RBFOX1: variants seen among roughly 807,000 people sequenced by gnomAD.
RBFOX1 encodes RNA binding fox-1 homolog 1.
In RBFOX1, 8 loss-of-function variants were observed where a neutral mutation model predicts 57.7. The observed-to-expected ratio is 0.14, with a 90% CI of 0.08 to 0.25. RBFOX1 has a LOEUF of 0.25. RBFOX1 is among the 10% of genes least tolerant of loss of function. The pLI is 1.00. For missense variants in RBFOX1, 611 were observed against 548.5 expected, an observed-to-expected ratio of 1.11 and a Z score of -1.14; for synonymous variants, 326 against 222.4, an observed-to-expected ratio of 1.47 and a Z score of -4.15.
chr16:7,139,737 C>A (rs563032324), intron 4 of RBFOX1, among the ~76,000 whole-genome samples: 1 of 152,140 alleles, frequency 6.6e-6, no homozygotes, highest in Admixed American at 6.5e-5. Flanking sequence ...AGGTTGAAGA[C>A]TGAGAAATAC....
rs578105478 is a variant in RBFOX1 at position 5,858,863 on chromosome 16, T to G, written c.319-8440T>G. On this transcript the variant is annotated intron_variant, in intron 3 of 19. Transcript: ENST00000641259. Reference sequence around the variant, plus strand: ...TGGCGGCTCAGTGGCTGGAACCAAGTCCCAGGCCAGAATAGAAGAGAAAGA... The same window carrying G: ...TGGCGGCTCAGTGGCTGGAACCAAGGCCCAGGCCAGAATAGAAGAGAAAGA... Among the ~76,000 whole-genome samples, 6 of 152,162 alleles carry G rather than the reference T, an allele frequency of 3.9e-5. No individual in the cohort carries two copies. The South Asian group carries it at 1.2e-3, about 32-fold the overall frequency.
At chr16:7,620,812 G>T (rs2059197002) in intron 10 of RBFOX1, among the ~76,000 whole-genome samples, 1 of 152,116 alleles carries the variant, frequency 6.6e-6, no homozygotes. Context: ...CTGACTTATA[G>T]TTCAGTTTTA....
At chr16:6,840,594 T>G (rs1345967283) in intron 3 of RBFOX1, among the ~76,000 whole-genome samples, 3 of 151,932 alleles carry the variant, frequency 2.0e-5, no homozygotes, top group Non-Finnish European at 4.4e-5. Flanking sequence ...AGTGCCTTCA[T>G]AAAAAGGCTT....
intron 4 of RBFOX1, among the ~76,000 whole-genome samples, chr16:7,321,067 C>CA (rs2096536062): frequency 2.8e-5 from 2 of 71,504 alleles, no homozygotes; most frequent in Non-Finnish European, 3.5e-5. Context: ...ATCTATCTGT[C>CA]TATCTATACG....
At chr16:7,308,957 T>G (rs545662665) in intron 4 of RBFOX1, among the ~76,000 whole-genome samples, 18 of 152,362 alleles carry the variant, frequency 1.2e-4, no homozygotes, top group African/African-American at 4.3e-4. Flanking sequence ...TTCTTTCTTT[T>G]TGGCTTAATC....
intron 4 of RBFOX1, among the ~76,000 whole-genome samples, chr16:7,225,364 A>G (rs891713974): frequency 6.6e-6 from 1 of 152,110 alleles, no homozygotes; most frequent in Non-Finnish European, 1.5e-5. Context: ...AGTAAGTTTC[A>G]TGAGATCTGA....
chr16:6,793,223 G>T lies in RBFOX1; in HGVS notation c.-16+138573G>T, dbSNP rs183834525. ...TATAATTTTTAAAAAGGTACTGTTTGTTAATTTTAAGAACATTCCAGTAGA... is the reference window on the plus strand; with the variant it reads ...TATAATTTTTAAAAAGGTACTGTTTTTTAATTTTAAGAACATTCCAGTAGA... On this transcript the variant is annotated intron_variant, in intron 3 of 15. Transcript: ENST00000550418. Among the ~76,000 whole-genome samples, 741 of 152,246 alleles carry T rather than the reference G, an allele frequency of 4.9e-3. 11 individuals carry two copies. Among genetic ancestry groups the T allele is most frequent in the African/African-American group, 0.017 (700 of 41,558 alleles).
chr16:7,001,730 C>A (rs942596317), intron 3 of RBFOX1, among the ~76,000 whole-genome samples: 2 of 152,030 alleles, frequency 1.3e-5, no homozygotes, highest in African/African-American at 4.8e-5. Context: ...GTGCTGGGAT[C>A]ACAGGGATGC....
At chr16:6,978,202 G>A (rs573315368) in intron 3 of RBFOX1, among the ~76,000 whole-genome samples, 9 of 152,240 alleles carry the variant, frequency 5.9e-5, no homozygotes, top group Non-Finnish European at 8.8e-5. Context: ...CTGGGCCCTC[G>A]GTTGCAGTTC....
intron 4 of RBFOX1, among the ~76,000 whole-genome samples, chr16:7,389,736 C>A (rs763715465): frequency 6.6e-6 from 1 of 152,072 alleles, no homozygotes; most frequent in Non-Finnish European, 1.5e-5. Flanking sequence ...TATTATAATT[C>A]AGCAACAACA....
At chr16:6,299,996 A>G (rs926772552) in intron 1 of RBFOX1, among the ~76,000 whole-genome samples, 38 of 152,362 alleles carry the variant, frequency 2.5e-4, no homozygotes, top group African/African-American at 9.1e-4. Flanking sequence ...GTACAATGGG[A>G]TACCATTCAG....
At chr16:5,852,960 C>G (rs1045027858) in intron 3 of RBFOX1, among the ~76,000 whole-genome samples, 4 of 152,286 alleles carry the variant, frequency 2.6e-5, no homozygotes, top group South Asian at 2.1e-4. Context: ...GCGTTACGCT[C>G]TGAGTTACTT....
At chr16:7,222,141 G>A (rs529994526) in intron 4 of RBFOX1, among the ~76,000 whole-genome samples, 2 of 152,076 alleles carry the variant, frequency 1.3e-5, no homozygotes, top group Admixed American at 6.6e-5. Flanking sequence ...AAAAAGATTC[G>A]TTGTTTCAAA....
At chr16:6,711,338 G>C (rs967402373) in intron 3 of RBFOX1, among the ~76,000 whole-genome samples, 1 of 152,048 alleles carries the variant, frequency 6.6e-6, no homozygotes, top group African/African-American at 2.4e-5. Flanking sequence ...TTTTTCACAA[G>C]GTCCCCACAT....
intron 1 of RBFOX1, among the ~76,000 whole-genome samples, chr16:5,333,830 G>A (rs2064828125): frequency 6.6e-6 from 1 of 152,194 alleles, no homozygotes; most frequent in Non-Finnish European, 1.5e-5. Context: ...ACAGTGGTTA[G>A]TATTTGTGTA....
chr16:6,549,474 GGAGGAGGAGGGGAAGAGGAA>G (rs1472421731), intron 2 of RBFOX1, among the ~76,000 whole-genome samples: 1 of 98,732 alleles, frequency 1.0e-5, no homozygotes, highest in Non-Finnish European at 2.1e-5. Context: ...TGGGGAGGAG[GGAGGAGGAGGGGAAGAGGAA>G]GAGGAGGAGG....
chr16:6,199,407 A>C lies in RBFOX1; in HGVS notation c.-126-117588A>C, dbSNP rs558088179. 2.6e-5 allele frequency among the ~76,000 whole-genome samples: 4 copies of C among 152,302 alleles called. No individual in the cohort carries two copies. The East Asian group carries it at 7.7e-4, about 29-fold the overall frequency. On this transcript the variant is annotated intron_variant, in intron 1 of 15. Coordinates refer to ENST00000550418, the MANE Select transcript of RBFOX1 (RefSeq NM_018723.4). ...GCTGTGACCATAGTCTCCCAAACTT[A>C]ATGGGAAGTTCATTTTGTGACTTCT...
chr16:5,548,173 AAAT>A (rs1478247851), intron 2 of RBFOX1, among the ~76,000 whole-genome samples: 110 of 33,412 alleles, frequency 3.3e-3, no homozygotes, highest in African/African-American at 8.9e-3. Context: ...AAAAAAAAAA[AAAT>A]ATATATATAT....
chr16:5,435,622 T>C (rs1035658738), intron 1 of RBFOX1, among the ~76,000 whole-genome samples: 1 of 152,150 alleles, frequency 6.6e-6, no homozygotes, highest in African/African-American at 2.4e-5. Flanking sequence ...CTCTGTCTAG[T>C]TCTTGCGTCA....
Sources: allele counts gnomAD v4.1 joint callset (sites outside exome capture counted in the v4.1 genomes callset), GRCh38; gene constraint gnomAD v4.1.1; transcripts MANE v1.5; gene names NCBI Gene and HGNC (gene_info 2026-07-23, HGNC 2026-07-21).